The following ZNF532 variants were observed in gnomAD, a reference collection of about 807,000 sequenced individuals.
The protein encoded by ZNF532 is zinc finger protein 532.
Under a neutral mutation model 89.3 loss-of-function variants are expected in ZNF532, and 22 were observed. That is an observed-to-expected ratio of 0.25 (90% CI 0.18 to 0.35). ZNF532 has a LOEUF of 0.35. ZNF532 is among the 10% of genes least tolerant of loss of function. The pLI is 1.00. For missense variants in ZNF532, 1,132 were observed against 1,643.4 expected (o/e 0.69, Z 5.38); for synonymous variants, 606 against 649.6 (o/e 0.93, Z 1.02).
Position 58,969,751 on chromosome 18 carries a change from A to T in ZNF532, c.3151-9304A>T, listed in dbSNP as rs117119941. On this transcript the variant is annotated intron_variant, in intron 7 of 9. Transcript: ENST00000591808. ...TTTTTATTGATCTGATAAAAACAGC[A>T]ATTATCTTTAAAAGGAATGATTAGT... Among the ~76,000 whole-genome samples the T allele has an allele frequency of 5.1e-3, 770 of 152,224 alleles. 5 individuals are homozygous for T. The highest frequency in any genetic ancestry group is 7.9e-3 in the Non-Finnish European group (538 of 68,008).
intron 7 of ZNF532, among the ~76,000 whole-genome samples, chr18:58,963,544 T>C (rs1415547551): frequency 6.6e-6 from 1 of 151,514 alleles, no homozygotes; most frequent in East Asian, 1.9e-4. Context: ...ATGCTTAGAA[T>C]CAGATTGACT....
Position 58,951,806 on chromosome 18 carries a change from T to C in ZNF532, c.2869-1712T>C, listed in dbSNP as rs550543120. Among the ~76,000 whole-genome samples, 522 of 152,128 alleles carry C rather than the reference T, an allele frequency of 3.4e-3. 4 individuals are homozygous for C. Among genetic ancestry groups the C allele is most frequent in the African/African-American group, 0.012 (489 of 41,540 alleles). Reference sequence around the variant, plus strand: ...ATGGGACTACAGGCACCTGCCACCATGCACGGCTAATTTTTTGTATTTTTA... The same window carrying C: ...ATGGGACTACAGGCACCTGCCACCACGCACGGCTAATTTTTTGTATTTTTA... On this transcript the variant is annotated intron_variant, in intron 6 of 9. Transcript: ENST00000591808.
In ZNF532 at chr18:58,865,252, A is replaced by G. The variant is rs1027035845; in HGVS notation, c.-261A>G. The G allele has an allele frequency of 6.6e-6, 1 of 151,988 alleles. No individual in the cohort carries two copies. Among genetic ancestry groups the G allele is most frequent in the African/African-American group, 2.4e-5 (1 of 41,364 alleles). 9.4% of individuals were successfully genotyped at this position (151,988 alleles called of 1,614,324 possible). On this transcript the variant is annotated 5_prime_UTR_variant, in exon 1 of 10. Transcript: ENST00000591808. The stretch of plus-strand genomic sequence containing the variant: ...AATGAACTGAGGGGTTTGTAATGGT[A>G]GTTTGTTTGTTGCTGGAGAATGCTA...
intron 2 of ZNF532, among the ~76,000 whole-genome samples, chr18:58,898,663 A>G (rs1303311386): frequency 6.6e-6 from 1 of 152,092 alleles, no homozygotes; most frequent in East Asian, 1.9e-4. Flanking sequence ...CAAGCTTCCC[A>G]GGAGCCTGTC....
chr18:58,895,162 C>T (rs991997326), intron 2 of ZNF532, among the ~76,000 whole-genome samples: 1 of 152,172 alleles, frequency 6.6e-6, no homozygotes, highest in South Asian at 2.1e-4. Flanking sequence ...CTTCAATTTT[C>T]TGCCAGGGTG....
At chr18:58,950,457 T>C (rs1446109405) in intron 6 of ZNF532, among the ~76,000 whole-genome samples, 1 of 152,152 alleles carries the variant, frequency 6.6e-6, no homozygotes, top group Non-Finnish European at 1.5e-5. Flanking sequence ...TGGGTAAGCA[T>C]AGTTTTAGGG....
At chr18:58,923,202 A>G (rs1365050949) in intron 3 of ZNF532, among the ~76,000 whole-genome samples, 1 of 151,990 alleles carries the variant, frequency 6.6e-6, no homozygotes, top group Non-Finnish European at 1.5e-5. Flanking sequence ...TCAGCTCACC[A>G]GCGAAGGGCG....
intron 5 of ZNF532, chr18:58,939,895 A>AT (rs201906499): frequency 0.058 from 11,068 of 189,986 alleles, 189 homozygotes; most frequent in Non-Finnish European, 0.077. Flanking sequence ...CTTAAGATGA[A>AT]TTTTTTTTTT....
chr18:58,947,209 C>A (rs988654283), intron 5 of ZNF532, among the ~76,000 whole-genome samples: 3 of 152,200 alleles, frequency 2.0e-5, no homozygotes, highest in African/African-American at 7.2e-5. Context: ...GACCTGCTGC[C>A]ATCAGAGCTG....
chr18:58,975,623 G>GGC (rs1209255571), intron 7 of ZNF532, among the ~76,000 whole-genome samples: 1 of 152,232 alleles, frequency 6.6e-6, no homozygotes, highest in African/African-American at 2.4e-5. Context: ...GAGAAAAGGA[G>GGC]GCGGGATTAA....
chr18:58,941,985 T>TCCTTCCCTTCCTTC (rs1568380010), intron 5 of ZNF532, among the ~76,000 whole-genome samples: 2 of 113,998 alleles, frequency 1.8e-5, no homozygotes. Context: ...CCTCCTTCCC[T>TCCTTCCCTTCCTTC]CCTTCCCTTC....
intron 2 of ZNF532, among the ~76,000 whole-genome samples, chr18:58,885,391 AT>A (rs754541758): frequency 6.6e-6 from 1 of 152,180 alleles, no homozygotes; most frequent in Non-Finnish European, 1.5e-5. Flanking sequence ...AGGATTGATG[AT>A]TGTAGGAAAT....
intron 7 of ZNF532, among the ~76,000 whole-genome samples, chr18:58,959,469 G>T (rs1468730774): frequency 6.6e-6 from 1 of 151,940 alleles, no homozygotes; most frequent in Non-Finnish European, 1.5e-5. Context: ...GTGTCACCCA[G>T]TTGAACTCCT....
chr18:58,868,575 T>C (rs927662545), intron 2 of ZNF532, among the ~76,000 whole-genome samples: 1 of 152,206 alleles, frequency 6.6e-6, no homozygotes, highest in Non-Finnish European at 1.5e-5. Flanking sequence ...GATAGCAAGA[T>C]GCGTTTCAGA....
At chr18:58,954,166 C>T in intron 7 of ZNF532, 1 of 970,126 alleles carries the variant, frequency 1.0e-6, no homozygotes, top group Middle Eastern at 5.1e-4. Flanking sequence ...CAGAGAAAGA[C>T]AGTGGAAATG....
At position 58,895,526 on chromosome 18, in the gene ZNF532, A is replaced by G. The variant is rs73959535; in HGVS notation, c.-17-22745A>G. 3.6e-3 allele frequency among the ~76,000 whole-genome samples: 543 copies of G among 152,314 alleles called. 2 individuals carry two copies. The highest frequency in any genetic ancestry group is 0.011 in the African/African-American group (475 of 41,568). On this transcript the variant is annotated intron_variant, in intron 2 of 9. Coordinates refer to ENST00000591808, the MANE Select transcript of ZNF532 (RefSeq NM_001375912.1). ...TGACCCTAAGATCTCCTTTGTTCCT[A>G]ATGTCTACAAACATTCTGGGAGACA...
chr18:58,919,146 T>C lies in ZNF532; in HGVS notation c.859T>C (p.Cys287Arg), dbSNP rs1460288912. Residue 287 changes from cysteine (C) to arginine (R), a missense_variant, in exon 3 of 10, where the codon TGC becomes CGC. Around this residue, in one of 9 missense-constraint regions of ZNF532, gnomAD observed 302 missense variants for 319.8 expected, o/e 0.94. Coordinates refer to ENST00000591808, the MANE Select transcript of ZNF532 (RefSeq NM_001375912.1). The surrounding 1 kb of genome is among the most constrained non-coding windows in gnomAD (Gnocchi z 6.1). The stretch of plus-strand genomic sequence containing the variant: ...CGCTAAAAAGGCGGCTTCAGACTCC[T>C]GCAAAGAACCAGTGGCCAATTCGAG... ...LSAKKAASDS[C>R]KEPVANSRES... 6.2e-7 allele frequency: 1 copy of C among 1,614,096 alleles called. No homozygotes were observed. The highest frequency in any genetic ancestry group is 8.5e-7 in the Non-Finnish European group (1 of 1,180,036).
At chr18:58,868,869 A>T (rs1345854636) in intron 2 of ZNF532, among the ~76,000 whole-genome samples, 1 of 152,242 alleles carries the variant, frequency 6.6e-6, no homozygotes, top group East Asian at 1.9e-4. Context: ...CATTGTGCAA[A>T]GATAGAATGT....
chr18:58,917,703 G>GT (rs1179170456), intron 2 of ZNF532, among the ~76,000 whole-genome samples: 232 of 145,554 alleles, frequency 1.6e-3, no homozygotes, highest in Middle Eastern at 3.6e-3. Context: ...GCTCCTTAGG[G>GT]TTTTTTTTTT....
Sources: gnomAD v4.1 joint callset for allele counts (sites outside exome capture counted in the v4.1 genomes callset) on GRCh38, gnomAD v4.1.1 for gene constraint, gnomAD v4.1.1 regional missense constraint, Gnocchi (gnomAD v3.1) non-coding constraint, MANE v1.5 for transcripts, NCBI Gene and HGNC (gene_info 2026-07-23, HGNC 2026-07-21) for gene names.